Variants in ABCA1 observed in about 807,000 individuals in gnomAD.
ABCA1 encodes the protein ATP binding cassette subfamily A member 1.
Under a neutral mutation model 262.5 loss-of-function variants are expected in ABCA1, and 133 were observed. The observed-to-expected ratio is 0.51, with a 90% CI of 0.44 to 0.59. The LOEUF (loss-of-function observed/expected upper bound fraction) is 0.59, where lower values mean the gene tolerates loss of function less well. Ranked by LOEUF, ABCA1 falls within the 20% of genes least tolerant of loss-of-function variation. ABCA1 has a pLI of 0.00. For missense variants in ABCA1, 2,452 were observed against 2,777.5 expected (o/e 0.88, Z 2.63); for synonymous variants, 1,022 against 1,043.5 (o/e 0.98, Z 0.40).
intron 29 of ABCA1, among the ~76,000 whole-genome samples, chr9:104,809,950 C>G (rs1033009129): frequency 6.6e-6 from 1 of 151,700 alleles, no homozygotes; most frequent in Non-Finnish European, 1.5e-5. Context: ...CAAGAAAGGG[C>G]AAGAAAACTT....
At position 104,785,484 on chromosome 9, in the gene ABCA1, G is replaced by A. The variant is rs372207376; in HGVS notation, c.6557C>T (p.Ser2186Phe). The stretch of plus-strand genomic sequence containing the variant: ...GAGGATGCTGAATATCCTGGCCAGA[G>A]AAGATAATGAAGATGGAAGCTGGTA... The part of the protein sequence containing the change: ...LQYQLPSSLS[S>F]LARIFSILSQ... The change falls in exon 49 of 50, where the codon TCT becomes TTT. Residue 2186 changes from serine (S) to phenylalanine (F), a missense_variant. By Grantham distance (155) the Ser-to-Phe change is radical (BLOSUM62 -2). Coordinates refer to ENST00000374736, the MANE Select transcript of ABCA1 (RefSeq NM_005502.4). The A allele has an allele frequency of 8.7e-6, 14 of 1,613,928 alleles. No homozygotes were observed. The African/African-American group carries it at 1.6e-4, about 18-fold the overall frequency.
Position 104,788,123 on chromosome 9 carries a change from A to G in ABCA1, c.6070-69T>C, listed in dbSNP as rs73517881. 3.9e-3 allele frequency: 5,809 copies of G among 1,505,550 alleles called. 176 individuals are homozygous for G. In the African/African-American group the frequency reaches 0.069, roughly 18 times the overall value. 93.3% of individuals were successfully genotyped at this position (1,505,550 alleles called of 1,614,324 possible). On this transcript the variant is annotated intron_variant, in intron 45 of 49. Transcript: ENST00000374736. Reference sequence around the variant, plus strand: ...TTTTATCATGCTGTCCTACACATACATGTATGAAAGTTCTTTCACTGAGTA... The same window carrying G: ...TTTTATCATGCTGTCCTACACATACGTGTATGAAAGTTCTTTCACTGAGTA...
intron 4 of ABCA1, 72 bp from the exon 5 acceptor site, chr9:104,883,229 T>C (rs1838847019): frequency 1.5e-6 from 2 of 1,335,900 alleles, no homozygotes; most frequent in South Asian, 1.2e-5. Flanking sequence ...CAGAAGTGAC[T>C]GCCAAGTGCA....
At chr9:104,898,886 T>C (rs1473317863) in intron 2 of ABCA1, among the ~76,000 whole-genome samples, 3 of 152,204 alleles carry the variant, frequency 2.0e-5, no homozygotes, top group Non-Finnish European at 4.4e-5. Context: ...TGCTAGTATC[T>C]AACACCAGTA....
At position 104,794,386 on chromosome 9, in the gene ABCA1, C is replaced by T. The variant is rs1829689003; in HGVS notation, c.5506+1G>A. 6.2e-7 allele frequency: 1 copy of T among 1,614,058 alleles called. No individual in the cohort carries two copies. Among genetic ancestry groups the T allele is most frequent in the Non-Finnish European group, 8.5e-7 (1 of 1,179,990 alleles). ...CATCCTACAGCCACTGCTTCACTCA[C>T]CAAACCTTTCCAGGGCATCAGCCAT... On this transcript the variant is annotated splice_donor_variant, in intron 40 of 49. Transcript: ENST00000374736. LOFTEE classifies it high-confidence loss of function.
rs1261036550 is a variant in ABCA1 at position 104,861,702 on chromosome 9, T to C, written c.520A>G (p.Arg174Gly). The C allele has an allele frequency of 3.1e-6, 5 of 1,613,990 alleles. No homozygotes were observed. In the Admixed American group the frequency reaches 6.7e-5, roughly 22 times the overall value. Residue 174 changes from arginine to glycine, a missense_variant, in exon 6 of 50, where the codon AGG becomes GGG. Coordinates refer to ENST00000374736, the MANE Select transcript of ABCA1 (RefSeq NM_005502.4). The part of the protein sequence containing the change: ...LPKSTVDKML[R>G]ADVILHKVFL... ...ACCTTGTGGAGAATGACATCAGCCC[T>C]CAGCATCTTGTCCACAGTAGACTTT...
chr9:104,909,486 T>C (rs1436977174), intron 1 of ABCA1, among the ~76,000 whole-genome samples: 1 of 152,180 alleles, frequency 6.6e-6, no homozygotes, highest in Non-Finnish European at 1.5e-5. Context: ...GTGGACCATA[T>C]GCTACCCACA....
At chr9:104,822,239 G>A (rs1438826494) in intron 19 of ABCA1, among the ~76,000 whole-genome samples, 1 of 152,188 alleles carries the variant, frequency 6.6e-6, no homozygotes, top group Non-Finnish European at 1.5e-5. Flanking sequence ...CAGGTTCCAA[G>A]ACCACTGCAG....
chr9:104,924,971 G>C (rs904679176), intron 1 of ABCA1, among the ~76,000 whole-genome samples: 2 of 152,190 alleles, frequency 1.3e-5, no homozygotes, highest in Non-Finnish European at 2.9e-5. Flanking sequence ...TTTACAATGG[G>C]ACTTCCTTGA....
chr9:104,821,051 T>C (rs577953076), intron 20 of ABCA1, among the ~76,000 whole-genome samples: 1 of 152,286 alleles, frequency 6.6e-6, no homozygotes. Context: ...GAGACCATCC[T>C]GGCCAACATG....
intron 36 of ABCA1, 104 bp downstream of exon 36, chr9:104,799,715 G>T: frequency 6.2e-7 from 1 of 1,606,950 alleles, no homozygotes; most frequent in South Asian, 1.1e-5. Flanking sequence ...ATAATATAAC[G>T]GTCTCTGCAG....
In ABCA1 at chr9:104,809,617, G is replaced by A. The variant is rs41277765; in HGVS notation, c.4176-53C>T. Reference sequence around the variant, plus strand: ...TAGTAATTCATTAAAACCAGTAATCGAGAGATAAAAATGTTTTTATAAATT... The same window carrying A: ...TAGTAATTCATTAAAACCAGTAATCAAGAGATAAAAATGTTTTTATAAATT... On this transcript the variant is annotated intron_variant, in intron 29 of 49. Coordinates refer to ENST00000374736, the MANE Select transcript of ABCA1 (RefSeq NM_005502.4). The A allele has an allele frequency of 6.1e-3, 8,873 of 1,456,514 alleles. 38 individuals are homozygous for A. Among genetic ancestry groups the A allele is most frequent in the Non-Finnish European group, 7.0e-3 (7,280 of 1,040,008 alleles). The allele number at this position is 1,456,514 out of a possible 1,614,324, so 90.2% of individuals were successfully genotyped here. A position where few individuals can be genotyped will look rare whatever the true frequency, so the allele number is the denominator to read the frequency against.
intron 1 of ABCA1, among the ~76,000 whole-genome samples, chr9:104,917,777 G>A (rs1239205600): frequency 6.6e-6 from 1 of 152,006 alleles, no homozygotes; most frequent in East Asian, 1.9e-4. Flanking sequence ...GTAAGCTTTT[G>A]TTTAGTCTTC....
chr9:104,883,267 C>A, intron 4 of ABCA1, 110 bp from the exon 5 acceptor site: 1 of 952,652 alleles, frequency 1.0e-6, no homozygotes, highest in South Asian at 1.3e-5. Flanking sequence ...CCCAGGTCCT[C>A]CACAGGCTGG....
chr9:104,824,321 G>A, intron 18 of ABCA1, 144 bp downstream of exon 18: 4 of 1,497,650 alleles, frequency 2.7e-6, no homozygotes. Context: ...GGGAGGATTT[G>A]GAAAGGGACA....
intron 5 of ABCA1, among the ~76,000 whole-genome samples, chr9:104,881,659 T>C (rs193151359): frequency 6.6e-6 from 1 of 152,320 alleles, no homozygotes; most frequent in Non-Finnish European, 1.5e-5. Flanking sequence ...CACCACGCTG[T>C]CTCTTGCTAC....
At chr9:104,837,152 T>A in intron 10 of ABCA1, 56 bp from the exon 11 acceptor site, 4 of 1,413,670 alleles carry the variant, frequency 2.8e-6, no homozygotes, top group Non-Finnish European at 3.9e-6. Context: ...GCACAGACAA[T>A]GAGCGTTTGG....
rs1206056354 is a variant in ABCA1 at position 104,812,562 on chromosome 9, A to G, written c.4050+12T>C. Reference sequence around the variant, plus strand: ...TGAAGCCAGAGTCTCTGGCGAAAACAGCACGTCTCACCTGAGCAAAAAATC... The same window carrying G: ...TGAAGCCAGAGTCTCTGGCGAAAACGGCACGTCTCACCTGAGCAAAAAATC... On this transcript the variant is annotated intron_variant, in intron 28 of 49. Transcript: ENST00000374736. The G allele has an allele frequency of 1.2e-6, 2 of 1,614,194 alleles. No individual in the cohort carries two copies. The highest frequency in any genetic ancestry group is 1.7e-6 in the Non-Finnish European group (2 of 1,180,024).
At position 104,788,705 on chromosome 9, in the gene ABCA1, C is replaced by G. The variant is rs993185328; in HGVS notation, c.5928-138G>C. On this transcript the variant is annotated intron_variant, in intron 44 of 49. Transcript: ENST00000374736. ...CATCTGCTGCTACTTGAAAGCACAG[C>G]CTTTCTGCCCCCAGGATGCTAGCTC... The G allele has an allele frequency of 8.9e-6, 10 of 1,127,366 alleles. No homozygotes were observed. The African/African-American group carries it at 1.4e-4, about 16-fold the overall frequency. 69.8% of individuals were successfully genotyped at this position (1,127,366 alleles called of 1,614,324 possible). A position where few individuals can be genotyped will look rare whatever the true frequency, so the allele number is the denominator to read the frequency against.
Sources: allele counts gnomAD v4.1 joint callset (sites outside exome capture counted in the v4.1 genomes callset), GRCh38; gene constraint gnomAD v4.1.1; transcripts MANE v1.5; gene names NCBI Gene and HGNC (gene_info 2026-07-23, HGNC 2026-07-21).